POC1B: variants seen among roughly 807,000 people sequenced by gnomAD.
POC1B encodes the protein POC1 centriolar protein B.
In POC1B, 44 loss-of-function variants were observed where a neutral mutation model predicts 60.6. That is an observed-to-expected ratio of 0.73 (90% CI 0.57 to 0.93). The LOEUF (loss-of-function observed/expected upper bound fraction) is 0.93, where lower values mean the gene tolerates loss of function less well. Ranked by LOEUF, POC1B falls within the 40% of genes least tolerant of loss-of-function variation. The probability of loss-of-function intolerance (pLI) is 0.00; values close to 1 mark genes in which losing one functional copy is unlikely to be tolerated. For missense variants in POC1B, 555 were observed against 572.3 expected, an observed-to-expected ratio of 0.97 and a Z score of 0.31; for synonymous variants, 180 against 198.9, an observed-to-expected ratio of 0.90 and a Z score of 0.80.
At chr12:89,438,562 T>C (rs1378647378) in intron 10 of POC1B, among the ~76,000 whole-genome samples, 1 of 152,268 alleles carries the variant, frequency 6.6e-6, no homozygotes, top group Admixed American at 6.5e-5. Flanking sequence ...CTTTTGGCAA[T>C]GCTGACTCCA....
rs1037732338 is a variant in POC1B, at chr12:89,525,513, A to G, written c.16-309T>C. On this transcript the variant is annotated intron_variant, in intron 1 of 11. Coordinates refer to ENST00000313546, the MANE Select transcript of POC1B (RefSeq NM_172240.3). ...GTTCCCGGGCCCCGCCCGCTGGCCC[A>G]AGGCAGGCAGGTGCGAGGATGCGCC... The G allele has an allele frequency of 6.1e-6, 8 of 1,313,536 alleles. No homozygotes were observed. In the African/African-American group the frequency reaches 1.2e-4, roughly 20 times the overall value. The allele number at this position is 1,313,536 out of a possible 1,614,324, so 81.4% of individuals were successfully genotyped here. A position where few individuals can be genotyped will look rare whatever the true frequency, so the allele number is the denominator to read the frequency against.
chr12:89,494,361 T>C (rs1869136407), intron 3 of POC1B, among the ~76,000 whole-genome samples: 1 of 152,154 alleles, frequency 6.6e-6, no homozygotes, highest in African/African-American at 2.4e-5. Context: ...CTCCCTATTC[T>C]TTCTTAGCCT....
At chr12:89,423,451 T>A (rs1158151274) in intron 11 of POC1B, among the ~76,000 whole-genome samples, 1 of 152,224 alleles carries the variant, frequency 6.6e-6, no homozygotes, top group Non-Finnish European at 1.5e-5. Context: ...CAGACACTTT[T>A]ATACATTATC....
intron 10 of POC1B, among the ~76,000 whole-genome samples, chr12:89,453,375 A>AGGGACTC (rs745359263): frequency 3.3e-5 from 5 of 152,168 alleles, no homozygotes; most frequent in Non-Finnish European, 7.4e-5. Flanking sequence ...TGAGGGAGGC[A>AGGGACTC]CCAGCTAGGG....
rs757742062 is a variant in POC1B at position 89,470,496 on chromosome 12, T to C, written c.677-2A>G. ...TGCAATTAACTCCACCGCTGTGAAC[T>C]GATTTGTAGAAAATAAAAGCAAAAA... On this transcript the variant is annotated splice_acceptor_variant, in intron 6 of 11. Transcript: ENST00000313546. LOFTEE classifies it high-confidence loss of function. The C allele has an allele frequency of 6.3e-6, 10 of 1,590,328 alleles. No individual in the cohort carries two copies. The highest frequency in any genetic ancestry group is 3.4e-5 in the South Asian group (3 of 89,088).
At chr12:89,402,354 C>T in the POC1B span, among the ~76,000 whole-genome samples, 1 of 151,896 alleles carries the variant, frequency 6.6e-6, no homozygotes, top group Non-Finnish European at 1.5e-5. Context: ...CACACACACA[C>T]ACACACACAC....
intron 10 of POC1B, chr12:89,429,197 T>G (rs527973158): frequency 1.2e-4 from 19 of 152,152 alleles, no homozygotes; most frequent in African/African-American, 4.6e-4. Flanking sequence ...ATATGACATA[T>G]GGAAATGAAA....
At chr12:89,522,918 T>A (rs748105297) in intron 2 of POC1B, 7 of 1,614,068 alleles carry the variant, frequency 4.3e-6, no homozygotes, top group Middle Eastern at 1.6e-4. Context: ...GACACAGTCC[T>A]GAGTGTGGGT....
chr12:89,499,058 T>C (rs1869404148), intron 2 of POC1B, among the ~76,000 whole-genome samples: 3 of 151,978 alleles, frequency 2.0e-5, no homozygotes, highest in Admixed American at 2.0e-4. Flanking sequence ...AGCACAGGAA[T>C]CCCTGTGCAA....
intron 4 of POC1B, among the ~76,000 whole-genome samples, chr12:89,477,146 T>TA (rs1883154894): frequency 6.6e-6 from 1 of 152,210 alleles, no homozygotes; most frequent in Admixed American, 6.5e-5. Context: ...TCACAGACTC[T>TA]AAAAATTTGG....
At chr12:89,430,474 CTATTAT>C in intron 10 of POC1B, among the ~76,000 whole-genome samples, 1 of 152,276 alleles carries the variant, frequency 6.6e-6, no homozygotes, top group Admixed American at 6.5e-5. Context: ...CACATCTAAA[CTATTAT>C]TATTTACATA....
At position 89,459,641 on chromosome 12, in the gene POC1B, G is replaced by T; in HGVS notation, c.1110C>A (p.Thr370=). 3 of 1,435,370 alleles carry T rather than the reference G, an allele frequency of 2.1e-6. No individual in the cohort carries two copies. Among genetic ancestry groups the T allele is most frequent in the South Asian group, 1.4e-5 (1 of 70,708 alleles). The allele number at this position is 1,435,370 out of a possible 1,614,324, so 88.9% of individuals were successfully genotyped here. The change falls in exon 10 of 12, where the codon ACC becomes ACA. Residue 370 remains threonine, a synonymous_variant. Transcript: ENST00000313546. Reference sequence around the variant, plus strand: ...AAAAAAAAAAAACCCGACTTACTGTGGTAGAATCAAAAGAAAGGATATCCA... The same window carrying T: ...AAAAAAAAAAAACCCGACTTACTGTTGTAGAATCAAAAGAAAGGATATCCA... ...PVMDILSFDS[T]TTTETSGRTL... is the part of the protein sequence containing the mutation.
chr12:89,488,611 C>T (rs1022594035), intron 4 of POC1B, among the ~76,000 whole-genome samples: 11 of 152,020 alleles, frequency 7.2e-5, no homozygotes, highest in Admixed American at 2.0e-4. Context: ...CTCAGCCTCC[C>T]GAGTAGCTGG....
At chr12:89,475,757 G>A (rs1412479813) in intron 4 of POC1B, among the ~76,000 whole-genome samples, 1 of 152,090 alleles carries the variant, frequency 6.6e-6, no homozygotes, top group Non-Finnish European at 1.5e-5. Context: ...TCTACAAAGT[G>A]TGTCACCAAG....
At chr12:89,478,863 G>A (rs780137501) in intron 4 of POC1B, among the ~76,000 whole-genome samples, 4 of 152,024 alleles carry the variant, frequency 2.6e-5, no homozygotes, top group Non-Finnish European at 2.9e-5. Flanking sequence ...CAACAGACTC[G>A]GAAAAGTTCT....
At chr12:89,511,383 T>A (rs1314170803) in intron 2 of POC1B, among the ~76,000 whole-genome samples, 1 of 148,976 alleles carries the variant, frequency 6.7e-6, no homozygotes, top group African/African-American at 2.5e-5. Context: ...GCCACTGCAC[T>A]CCAGCCTGGG....
chr12:89,490,362 A>G (rs532052891), intron 4 of POC1B, among the ~76,000 whole-genome samples: 80 of 152,178 alleles, frequency 5.3e-4, no homozygotes, highest in African/African-American at 1.9e-3. Context: ...TTTTTTTGAG[A>G]TGGAGTCTCA....
chr12:89,502,317 T>C (rs1186529328), intron 2 of POC1B: 6 of 1,611,072 alleles, frequency 3.7e-6, no homozygotes, highest in Admixed American at 1.7e-5. Flanking sequence ...ACACACCAAA[T>C]GTTCGCAGGA....
chr12:89,418,493 C>T (rs185512611), downstream of POC1B, among the ~76,000 whole-genome samples: 205 of 152,258 alleles, frequency 1.3e-3, 2 homozygotes, highest in African/African-American at 4.6e-3. Flanking sequence ...GGAGACCAGT[C>T]AGGAGGTGCT....
Sources: allele counts gnomAD v4.1 joint callset (sites outside exome capture counted in the v4.1 genomes callset), GRCh38; gene constraint gnomAD v4.1.1; transcripts MANE v1.5; gene names NCBI Gene and HGNC (gene_info 2026-07-23, HGNC 2026-07-21).